The following LRRC28 variants were observed in gnomAD, a reference collection of about 807,000 sequenced individuals.
LRRC28 encodes the protein leucine-rich repeat-containing protein 28.
In LRRC28, 39 loss-of-function variants were observed where a neutral mutation model predicts 45.7. The ratio of observed to expected loss-of-function variants is 0.85; its 90% confidence interval spans 0.66 to 1.12. The LOEUF is 1.12. LRRC28 is among the 50% of genes most tolerant of loss of function. LRRC28 has a pLI of 0.00. For missense variants in LRRC28, 435 were observed against 438.5 expected (o/e 0.99, Z 0.07); for synonymous variants, 206 against 178.8 (o/e 1.15, Z -1.22).
At chr15:99,351,944 T>A (rs150103201) in intron 6 of LRRC28, among the ~76,000 whole-genome samples, 10 of 152,202 alleles carry the variant, frequency 6.6e-5, no homozygotes, top group Middle Eastern at 3.4e-3. Flanking sequence ...AAGGAGACAA[T>A]ATGTAGTTCT....
At chr15:99,288,193 A>G (rs2082010146) in intron 5 of LRRC28, among the ~76,000 whole-genome samples, 1 of 152,138 alleles carries the variant, frequency 6.6e-6, no homozygotes, top group Non-Finnish European at 1.5e-5. Context: ...ATTGCATCCA[A>G]TATCCCTTTG....
intron 9 of LRRC28, among the ~76,000 whole-genome samples, chr15:99,371,492 C>G (rs1392476017): frequency 6.6e-6 from 1 of 152,176 alleles, no homozygotes; most frequent in Admixed American, 6.5e-5. Flanking sequence ...CTCCCTTCTC[C>G]CACTCACTAG....
intron 9 of LRRC28, among the ~76,000 whole-genome samples, chr15:99,372,984 C>T (rs892695415): frequency 6.6e-6 from 1 of 151,922 alleles, no homozygotes; most frequent in Non-Finnish European, 1.5e-5. Context: ...CATGAGAACT[C>T]ACTCACTATC....
chr15:99,329,533 T>C (rs1345320686), intron 5 of LRRC28, among the ~76,000 whole-genome samples: 1 of 152,228 alleles, frequency 6.6e-6, no homozygotes, highest in Non-Finnish European at 1.5e-5. Context: ...TCTAATTTAT[T>C]GTGTGCATTT....
intron 5 of LRRC28, among the ~76,000 whole-genome samples, chr15:99,314,594 C>T (rs1597324153): frequency 6.6e-6 from 1 of 152,082 alleles, no homozygotes; most frequent in Non-Finnish European, 1.5e-5. Flanking sequence ...GGGTAAGTTC[C>T]TGTGTTCACA....
intron 5 of LRRC28, among the ~76,000 whole-genome samples, chr15:99,321,133 TG>T (rs1030530800): frequency 2.0e-5 from 3 of 152,206 alleles, no homozygotes; most frequent in Non-Finnish European, 2.9e-5. Context: ...CTTATCATTT[TG>T]GGGGTAGATT....
chr15:99,261,630 A>C (rs1334590746), intron 2 of LRRC28, among the ~76,000 whole-genome samples: 1 of 151,900 alleles, frequency 6.6e-6, no homozygotes, highest in East Asian at 1.9e-4. Flanking sequence ...CACCTCTTTT[A>C]TTAATTTTAA....
intron 9 of LRRC28, among the ~76,000 whole-genome samples, chr15:99,364,553 T>G (rs981840414): frequency 1.3e-5 from 2 of 152,184 alleles, no homozygotes; most frequent in African/African-American, 4.8e-5. Flanking sequence ...ATAATTGAAT[T>G]GGGTTCTGAC....
chr15:99,312,801 G>A (rs944177483), intron 5 of LRRC28, among the ~76,000 whole-genome samples: 9 of 152,014 alleles, frequency 5.9e-5, no homozygotes, highest in African/African-American at 1.2e-4. Flanking sequence ...TCTTCTCTGC[G>A]GTCTATTGTT....
At chr15:99,283,708 TA>T (rs1354549418) in intron 3 of LRRC28, among the ~76,000 whole-genome samples, 1 of 151,716 alleles carries the variant, frequency 6.6e-6, no homozygotes, top group Non-Finnish European at 1.5e-5. Flanking sequence ...ACATCATATT[TA>T]ACATTTAAAA....
At chr15:99,321,169 T>A (rs1010771266) in intron 5 of LRRC28, among the ~76,000 whole-genome samples, 5 of 152,090 alleles carry the variant, frequency 3.3e-5, no homozygotes, top group Non-Finnish European at 7.4e-5. Context: ...CATGAAAAAA[T>A]TCTATATCAA....
chr15:99,380,362 T>C lies in LRRC28; in HGVS notation c.1032-5668T>C, dbSNP rs565456539. On this transcript the variant is annotated intron_variant, in intron 9 of 9. Coordinates refer to ENST00000301981, the MANE Select transcript of LRRC28 (RefSeq NM_144598.5). Reference sequence around the variant, plus strand: ...TTGTCAGAGACTAGGATTGCAACCCTTGCCTTTTTTTGTTTTCCATTTGCT... The same window carrying C: ...TTGTCAGAGACTAGGATTGCAACCCCTGCCTTTTTTTGTTTTCCATTTGCT... 5.3e-5 allele frequency among the ~76,000 whole-genome samples: 8 copies of C among 152,260 alleles called. No individual in the cohort carries two copies. The South Asian group carries it at 8.3e-4, about 16-fold the overall frequency.
chr15:99,368,706 T>G (rs1957403714), intron 9 of LRRC28, among the ~76,000 whole-genome samples: 1 of 152,210 alleles, frequency 6.6e-6, no homozygotes, highest in Non-Finnish European at 1.5e-5. Context: ...GCTAGCAGTA[T>G]TTTTGCTGAA....
At chr15:99,267,214 T>C (rs1286242763) in intron 2 of LRRC28, among the ~76,000 whole-genome samples, 1 of 152,160 alleles carries the variant, frequency 6.6e-6, no homozygotes, top group African/African-American at 2.4e-5. Flanking sequence ...AGCCGGTGGT[T>C]AGGTGAGGGT....
chr15:99,341,184 G>A (rs921228041), intron 6 of LRRC28, among the ~76,000 whole-genome samples: 1 of 142,656 alleles, frequency 7.0e-6, no homozygotes, highest in Non-Finnish European at 1.5e-5. Context: ...TCCACCTCCC[G>A]GGTTCAAGTG....
At chr15:99,299,495 A>G (rs1164729034) in intron 5 of LRRC28, among the ~76,000 whole-genome samples, 1 of 152,218 alleles carries the variant, frequency 6.6e-6, no homozygotes, top group Admixed American at 6.5e-5. Context: ...TAATGTATTT[A>G]ATATACAGAA....
At chr15:99,316,447 G>C (rs764815143) in intron 5 of LRRC28, among the ~76,000 whole-genome samples, 26 of 152,130 alleles carry the variant, frequency 1.7e-4, no homozygotes, top group Non-Finnish European at 3.5e-4. Flanking sequence ...AGGAACTAGA[G>C]AAATGGGAAT....
At chr15:99,360,347 CAG>C (rs1245842818) in intron 7 of LRRC28, among the ~76,000 whole-genome samples, 1 of 152,136 alleles carries the variant, frequency 6.6e-6, no homozygotes, top group Non-Finnish European at 1.5e-5. Context: ...ATTCCCTGGA[CAG>C]AGTCAGTCAA....
At chr15:99,348,744 GTTGTTTTTTTT>G (rs144596174) in intron 6 of LRRC28, among the ~76,000 whole-genome samples, 14,701 of 146,414 alleles carry the variant, frequency 0.1, 960 homozygotes, top group East Asian at 0.35. Flanking sequence ...GGTTTTTTTT[GTTGTTTTTTTT>G]TTGTTTTTTT....
Sources: allele counts gnomAD v4.1 joint callset (sites outside exome capture counted in the v4.1 genomes callset), GRCh38; gene constraint gnomAD v4.1.1; transcripts MANE v1.5; gene names NCBI Gene and HGNC (gene_info 2026-07-23, HGNC 2026-07-21).